The following TIAM2 variants were observed in gnomAD, a reference collection of about 807,000 sequenced individuals.
TIAM2 encodes rho guanine nucleotide exchange factor TIAM2.
In TIAM2, 80 loss-of-function variants were observed where a neutral mutation model predicts 152.9. The ratio of observed to expected loss-of-function variants is 0.52; its 90% CI spans 0.44 to 0.63. The LOEUF (loss-of-function observed/expected upper bound fraction) is 0.63, where lower values mean the gene tolerates loss of function less well. TIAM2 is among the 30% of genes least tolerant of loss of function. The probability of loss-of-function intolerance (pLI) is 0.00; values close to 1 mark genes in which losing one functional copy is unlikely to be tolerated. For missense variants in TIAM2, 1,965 were observed against 2,120.1 expected (o/e 0.93, Z 1.44); for synonymous variants, 804 against 838.0 (o/e 0.96, Z 0.70).
chr6:155,102,654 G>T (rs145292483), intron 2 of TIAM2, among the ~76,000 whole-genome samples: 4 of 152,240 alleles, frequency 2.6e-5, no homozygotes, highest in Admixed American at 6.5e-5. Flanking sequence ...ATGCATGTGT[G>T]CACATGCAGT....
At chr6:155,001,808 T>G (rs1778316392) in intron 1 of TIAM2, among the ~76,000 whole-genome samples, 1 of 152,236 alleles carries the variant, frequency 6.6e-6, no homozygotes, top group Non-Finnish European at 1.5e-5. Flanking sequence ...ACTAAGTGAT[T>G]TCTTTGCATT....
At chr6:155,194,009 C>T (rs535799672) in intron 14 of TIAM2, among the ~76,000 whole-genome samples, 2 of 152,318 alleles carry the variant, frequency 1.3e-5, no homozygotes, top group South Asian at 4.1e-4. Flanking sequence ...CAGGAGTCTA[C>T]AGACCACACC....
intron 1 of TIAM2, among the ~76,000 whole-genome samples, chr6:155,034,027 T>A (rs1473891574): frequency 6.9e-6 from 1 of 144,748 alleles, no homozygotes; most frequent in Non-Finnish European, 1.5e-5. Flanking sequence ...TCTCTTGGCT[T>A]TCTTCTCTGT....
At chr6:155,249,818 G>C in intron 20 of TIAM2, 33 bp from the exon 21 acceptor site, 1 of 1,559,110 alleles carries the variant, frequency 6.4e-7, no homozygotes, top group Non-Finnish European at 8.8e-7. Flanking sequence ...ACAAATAACA[G>C]TTATGAAATA....
chr6:155,159,092 G>T (rs1288254380), intron 7 of TIAM2, among the ~76,000 whole-genome samples: 1 of 151,798 alleles, frequency 6.6e-6, no homozygotes, highest in Non-Finnish European at 1.5e-5. Flanking sequence ...ATGTATCTTT[G>T]TCTTTCTTTT....
intron 1 of TIAM2, among the ~76,000 whole-genome samples, chr6:155,038,928 C>T (rs1403364970): frequency 7.6e-5 from 11 of 143,806 alleles, no homozygotes; most frequent in Admixed American, 1.4e-4. Context: ...GCCTGGGTGA[C>T]GGAGCGAGAG....
chr6:155,247,599 A>T (rs1385367489), intron 19 of TIAM2, among the ~76,000 whole-genome samples: 1 of 152,224 alleles, frequency 6.6e-6, no homozygotes. Context: ...AAGTGCTGGG[A>T]TTACGGGCGT....
chr6:155,225,567 GC>G (rs1159647677), intron 15 of TIAM2, among the ~76,000 whole-genome samples: 1 of 152,172 alleles, frequency 6.6e-6, no homozygotes. Context: ...TCCTGGTTCT[GC>G]TGCCTTCTCT....
At chr6:155,246,838 G>A (rs1783365583) in intron 19 of TIAM2, among the ~76,000 whole-genome samples, 1 of 152,214 alleles carries the variant, frequency 6.6e-6, no homozygotes, top group African/African-American at 2.4e-5. Flanking sequence ...CTCCTAGAAT[G>A]TTGTAGATTT....
intron 5 of TIAM2, among the ~76,000 whole-genome samples, chr6:155,141,231 A>G (rs1311268752): frequency 1.3e-5 from 2 of 151,578 alleles, no homozygotes; most frequent in Non-Finnish European, 2.9e-5. Context: ...GACTTGTGAT[A>G]AAGATGTTTT....
intron 4 of TIAM2, among the ~76,000 whole-genome samples, chr6:155,133,303 C>T (rs542457311): frequency 1.6e-4 from 24 of 152,250 alleles, no homozygotes; most frequent in African/African-American, 4.6e-4. Context: ...GCTGAGATCA[C>T]GCCAGCGCAC....
chr6:155,028,233 A>G (rs1776665665), intron 1 of TIAM2, among the ~76,000 whole-genome samples: 1 of 130,738 alleles, frequency 7.6e-6, no homozygotes, highest in Non-Finnish European at 1.6e-5. Context: ...TATATACTAC[A>G]TATAATATAT....
chr6:155,199,368 G>A (rs1396645073), intron 14 of TIAM2, among the ~76,000 whole-genome samples: 10 of 152,126 alleles, frequency 6.6e-5, no homozygotes, highest in East Asian at 3.9e-4. Flanking sequence ...GTGAGCCACC[G>A]TGCCCAGCCT....
chr6:155,231,365 C>T (rs1782464829), intron 15 of TIAM2, among the ~76,000 whole-genome samples: 1 of 152,192 alleles, frequency 6.6e-6, no homozygotes, highest in Non-Finnish European at 1.5e-5. Flanking sequence ...CTCTTTGGAG[C>T]AGCATTTCTT....
At position 155,091,515 on chromosome 6, in the gene TIAM2, T is replaced by C. The variant is rs183765209; in HGVS notation, c.-118+1136T>C. Among the ~76,000 whole-genome samples the C allele has an allele frequency of 6.8e-4, 104 of 152,364 alleles. 2 individuals are homozygous for C. The East Asian group carries it at 0.014, about 21-fold the overall frequency. The stretch of plus-strand genomic sequence containing the variant: ...CACTGGAGGATATTTAAAAGGTTTG[T>C]CTGTTTAAACATTTTTTTGAAATGT... On this transcript the variant is annotated intron_variant, in intron 2 of 26. Transcript: ENST00000682666.
intron 14 of TIAM2, among the ~76,000 whole-genome samples, chr6:155,206,721 C>G (rs984533742): frequency 2.0e-5 from 3 of 152,178 alleles, no homozygotes; most frequent in African/African-American, 2.4e-5. Flanking sequence ...TCTGCTGGCT[C>G]AACTGCTGAG....
At chr6:155,159,694 C>T (rs1780216141) in intron 7 of TIAM2, among the ~76,000 whole-genome samples, 1 of 152,184 alleles carries the variant, frequency 6.6e-6, no homozygotes, top group South Asian at 2.1e-4. Context: ...AATCAGGGGC[C>T]TCACCGTACT....
Position 155,257,434 on chromosome 6 carries a change from G to A in TIAM2, c.*313G>A, listed in dbSNP as rs962929183. ...TGGAAAAAGTAAGGCTGGGGAAGTCGTGATTAATAGTTTTCAAAGGGCCAT... is the reference window on the plus strand; with the variant it reads ...TGGAAAAAGTAAGGCTGGGGAAGTCATGATTAATAGTTTTCAAAGGGCCAT... On this transcript the variant is annotated 3_prime_UTR_variant, in exon 27 of 27. Coordinates refer to ENST00000682666, the MANE Select transcript of TIAM2 (RefSeq NM_012454.4). 5.5e-5 allele frequency: 19 copies of A among 344,816 alleles called. No homozygotes were observed. Among genetic ancestry groups the A allele is most frequent in the African/African-American group, 2.4e-4 (11 of 46,020 alleles). The allele number at this position is 344,816 out of a possible 1,614,324, so 21.4% of individuals were successfully genotyped here. A position where few individuals can be genotyped will look rare whatever the true frequency, so the allele number is the denominator to read the frequency against.
intron 15 of TIAM2, among the ~76,000 whole-genome samples, chr6:155,222,614 AAACAAAAAAAAAAAACAC>A (rs1562359508): frequency 1.3e-4 from 2 of 15,362 alleles, no homozygotes; most frequent in African/African-American, 4.6e-4. Flanking sequence ...AACAAAAAAC[AAACAAAAAAAAAAAACAC>A]AAAAAAAACC....
Sources: allele counts gnomAD v4.1 joint callset (sites outside exome capture counted in the v4.1 genomes callset), GRCh38; gene constraint gnomAD v4.1.1; transcripts MANE v1.5; gene names NCBI Gene and HGNC (gene_info 2026-07-23, HGNC 2026-07-21).